Variants in COX10 observed in about 807,000 individuals in gnomAD.
The protein encoded by COX10 is protoheme IX farnesyltransferase, mitochondrial.
In COX10, 27 loss-of-function variants were observed where a neutral mutation model predicts 37.3. The ratio of observed to expected loss-of-function variants is 0.72; its 90% CI spans 0.53 to 1.00. COX10 has a LOEUF of 1.00. Among genes scored for constraint, COX10 ranks in the 50% least tolerant of loss-of-function variants. The pLI, the probability that COX10 is intolerant of heterozygous loss-of-function variation, is 0.00. For synonymous variants in COX10, 222 were observed against 229.1 expected (o/e 0.97, Z 0.28); for missense variants, 475 against 563.2 (o/e 0.84, Z 1.59).
chr17:14,169,319 G>A (rs1265102129), intron 5 of COX10, among the ~76,000 whole-genome samples: 1 of 152,130 alleles, frequency 6.6e-6, no homozygotes, highest in Non-Finnish European at 1.5e-5. Flanking sequence ...GTATCACTAT[G>A]AGCATTTTGG....
intron 3 of COX10, among the ~76,000 whole-genome samples, chr17:14,097,501 C>T (rs1915676659): frequency 6.6e-6 from 1 of 151,922 alleles, no homozygotes; most frequent in African/African-American, 2.4e-5. Context: ...CCTTTGTTAG[C>T]TTTTTATAAA....
At chr17:14,106,384 C>G (rs1225439318) in intron 4 of COX10, among the ~76,000 whole-genome samples, 1 of 152,054 alleles carries the variant, frequency 6.6e-6, no homozygotes, top group Non-Finnish European at 1.5e-5. Context: ...TCTCCTTATT[C>G]GACATTTTAG....
At chr17:14,161,357 A>G (rs1178740679) in intron 5 of COX10, among the ~76,000 whole-genome samples, 1 of 152,222 alleles carries the variant, frequency 6.6e-6, no homozygotes, top group East Asian at 1.9e-4. Context: ...ACAGGATAGT[A>G]AAATCATGTT....
chr17:14,162,931 T>C (rs1905198597), intron 5 of COX10, among the ~76,000 whole-genome samples: 1 of 152,246 alleles, frequency 6.6e-6, no homozygotes, highest in South Asian at 2.1e-4. Context: ...CTACATAATT[T>C]GGCAACACTG....
chr17:14,090,589 G>A (rs137953372), intron 3 of COX10, among the ~76,000 whole-genome samples: 17 of 152,242 alleles, frequency 1.1e-4, no homozygotes, highest in African/African-American at 4.1e-4. Context: ...TCTGTAGATG[G>A]AGAGTGACTA....
chr17:14,081,578 T>C (rs1915296398), intron 3 of COX10, among the ~76,000 whole-genome samples: 1 of 152,218 alleles, frequency 6.6e-6, no homozygotes, highest in Non-Finnish European at 1.5e-5. Flanking sequence ...ATTCCCTGCA[T>C]TCAAATCCTG....
intron 6 of COX10, among the ~76,000 whole-genome samples, chr17:14,206,607 T>A (rs1314753477): frequency 2.6e-5 from 4 of 151,986 alleles, no homozygotes; most frequent in Non-Finnish European, 5.9e-5. Flanking sequence ...AAAGGAGGGA[T>A]CTTAGCTCAT....
chr17:14,170,135 G>A (rs1905417536), intron 5 of COX10, among the ~76,000 whole-genome samples: 1 of 152,200 alleles, frequency 6.6e-6, no homozygotes, highest in African/African-American at 2.4e-5. Context: ...CTACAGAACA[G>A]TGAGCTAAGT....
intron 6 of COX10, among the ~76,000 whole-genome samples, chr17:14,192,471 C>T (rs941861144): frequency 2.6e-5 from 4 of 152,174 alleles, no homozygotes; most frequent in African/African-American, 9.7e-5. Context: ...GGAAGCAGTG[C>T]TGCCTACCTG....
intron 3 of COX10, among the ~76,000 whole-genome samples, chr17:14,091,207 T>C (rs1336531060): frequency 6.6e-6 from 1 of 152,182 alleles, no homozygotes; most frequent in East Asian, 1.9e-4. Flanking sequence ...GTATTCAGGA[T>C]AATTGTGGAG....
chr17:14,073,763 C>T (rs1345423789), intron 1 of COX10, among the ~76,000 whole-genome samples: 1 of 152,080 alleles, frequency 6.6e-6, no homozygotes, highest in Non-Finnish European at 1.5e-5. Context: ...GGCAGAGAAG[C>T]ATTGGATTTG....
intron 3 of COX10, among the ~76,000 whole-genome samples, chr17:14,087,116 A>G (rs1481345427): frequency 6.6e-6 from 1 of 152,166 alleles, no homozygotes. Context: ...AGCATCTATT[A>G]TGTTCCAAGT....
intron 3 of COX10, among the ~76,000 whole-genome samples, chr17:14,100,671 T>C (rs1915756297): frequency 6.6e-6 from 1 of 152,200 alleles, no homozygotes; most frequent in African/African-American, 2.4e-5. Context: ...TGAGATGCAC[T>C]TACTGGCAGA....
At chr17:14,079,343 G>A (rs572645031) in intron 3 of COX10, among the ~76,000 whole-genome samples, 240 of 152,202 alleles carry the variant, frequency 1.6e-3, no homozygotes, top group African/African-American at 5.7e-3. Flanking sequence ...ATATTTACTC[G>A]GCAGGGAAGA....
intron 6 of COX10, among the ~76,000 whole-genome samples, chr17:14,196,132 A>G (rs1443267982): frequency 6.6e-6 from 1 of 152,140 alleles, no homozygotes; most frequent in Non-Finnish European, 1.5e-5. Flanking sequence ...ATCACTTTAG[A>G]TCACCACCTT....
At chr17:14,086,885 T>C (rs1915420145) in intron 3 of COX10, among the ~76,000 whole-genome samples, 1 of 152,206 alleles carries the variant, frequency 6.6e-6, no homozygotes, top group African/African-American at 2.4e-5. Flanking sequence ...TTCTTCATTA[T>C]AATTTTCCGC....
At chr17:14,102,363 A>G (rs1176507208) in intron 4 of COX10, 121 bp downstream of exon 4, 1 of 1,438,874 alleles carries the variant, frequency 6.9e-7, no homozygotes, top group Non-Finnish European at 9.6e-7. Flanking sequence ...GTAACACTAT[A>G]TATCCTATAG....
At chr17:14,195,891 A>C (rs1391647880) in intron 6 of COX10, among the ~76,000 whole-genome samples, 1 of 152,208 alleles carries the variant, frequency 6.6e-6, no homozygotes, top group African/African-American at 2.4e-5. Flanking sequence ...TCTAGCCATT[A>C]GAATATCTTG....
intron 5 of COX10, among the ~76,000 whole-genome samples, chr17:14,190,915 T>TGGCTGTTTTTAAAACCAGAGCACTCTAG (rs1906180883): frequency 6.6e-6 from 1 of 152,130 alleles, no homozygotes; most frequent in African/African-American, 2.4e-5. Flanking sequence ...TCTAGGGAGT[T>TGGCTGTTTTTAAAACCAGAGCACTCTAG]GGCTGTTTTT....
Sources: gnomAD v4.1 joint callset for allele counts (sites outside exome capture counted in the v4.1 genomes callset) on GRCh38, gnomAD v4.1.1 for gene constraint, MANE v1.5 for transcripts, NCBI Gene and HGNC (gene_info 2026-07-23, HGNC 2026-07-21) for gene names.